TMEM131L: variants seen among roughly 807,000 people sequenced by gnomAD.
TMEM131L encodes transmembrane 131 like.
Under a neutral mutation model 192.2 loss-of-function variants are expected in TMEM131L, and 54 were observed. The ratio of observed to expected loss-of-function variants is 0.28; its 90% CI spans 0.23 to 0.35. The LOEUF is 0.35. Ranked by LOEUF, TMEM131L falls within the 10% of genes least tolerant of loss-of-function variation. The pLI is 1.00. For synonymous variants in TMEM131L, 701 were observed against 704.9 expected (o/e 0.99, Z 0.09); for missense variants, 1,888 against 1,972.9 (o/e 0.96, Z 0.82).
chr4:153,543,773 G>T (rs1403712046), intron 3 of TMEM131L, among the ~76,000 whole-genome samples: 1 of 152,232 alleles, frequency 6.6e-6, no homozygotes, highest in Non-Finnish European at 1.5e-5. Context: ...CTGTTTAGAA[G>T]AAAGGGACCA....
At chr4:153,599,728 C>T (rs991746221) in intron 21 of TMEM131L, among the ~76,000 whole-genome samples, 5 of 152,162 alleles carry the variant, frequency 3.3e-5, no homozygotes, top group Admixed American at 1.3e-4. Context: ...GTATCTGTGT[C>T]CTCCAAGACA....
chr4:153,474,072 G>GTTGT (rs140230443), intron 3 of TMEM131L, among the ~76,000 whole-genome samples, 184 bp downstream of exon 3: 2,947 of 152,178 alleles, frequency 0.019, 88 homozygotes, highest in African/African-American at 0.065. Context: ...TTAAAATAAG[G>GTTGT]TTGTTTAGAA....
At position 153,482,444 on chromosome 4, in the gene TMEM131L, G is replaced by C. The variant is rs1732014631; in HGVS notation, c.239+8556G>C. Among the ~76,000 whole-genome samples the C allele has an allele frequency of 2.0e-5, 3 of 151,798 alleles. 1 individual carries two copies. The highest frequency in any genetic ancestry group is 4.4e-5 in the Non-Finnish European group (3 of 67,952). On this transcript the variant is annotated intron_variant, in intron 3 of 34. Transcript: ENST00000409959. ...CAAGCCACAGAAACCTTTTTTTTAG[G>C]TGAAAAAATTGTGAAATTTTTAGCA... is the stretch of plus-strand genomic sequence containing the variant.
At chr4:153,532,984 C>CT (rs70963190) in intron 3 of TMEM131L, among the ~76,000 whole-genome samples, 11,796 of 129,640 alleles carry the variant, frequency 0.091, 685 homozygotes, top group African/African-American at 0.17. Context: ...TTTCTCAATT[C>CT]TTTTTTTTTT....
chr4:153,479,803 A>G (rs1189528119), intron 3 of TMEM131L, among the ~76,000 whole-genome samples: 1 of 152,266 alleles, frequency 6.6e-6, no homozygotes, highest in Non-Finnish European at 1.5e-5. Context: ...ACTGGAAGAT[A>G]CAATTGCAGA....
At position 153,572,991 on chromosome 4, in the gene TMEM131L, T is replaced by A. The variant is rs553745480; in HGVS notation, c.661-7835T>A. On this transcript the variant is annotated intron_variant, in intron 7 of 34. Transcript: ENST00000409959. ...CCTTTGTGTTTGGTTTATTTCATTT[T>A]GCATAATGTCTTCAAGGTTCTCCCA... 7.6e-4 allele frequency among the ~76,000 whole-genome samples: 116 copies of A among 152,388 alleles called. No individual in the cohort carries two copies. In the South Asian group the frequency reaches 8.3e-3, roughly 11 times the overall value.
At chr4:153,542,799 G>A (rs1184498674) in intron 3 of TMEM131L, among the ~76,000 whole-genome samples, 1 of 152,168 alleles carries the variant, frequency 6.6e-6, no homozygotes, top group Non-Finnish European at 1.5e-5. Context: ...AGCTGGGAGG[G>A]AGATGGAAAT....
At chr4:153,525,966 C>T (rs546793824) in intron 3 of TMEM131L, among the ~76,000 whole-genome samples, 29 of 152,158 alleles carry the variant, frequency 1.9e-4, no homozygotes, top group African/African-American at 6.7e-4. Context: ...AAGTGATTCT[C>T]CTGCCTCAGC....
At chr4:153,500,550 C>G (rs959330331) in intron 3 of TMEM131L, among the ~76,000 whole-genome samples, 2 of 152,172 alleles carry the variant, frequency 1.3e-5, no homozygotes, top group Non-Finnish European at 2.9e-5. Flanking sequence ...ATTAGCACTT[C>G]TAGTAGCAGT....
At chr4:153,501,943 GTTTTT>G (rs575832226) in intron 3 of TMEM131L, among the ~76,000 whole-genome samples, 1 of 117,398 alleles carries the variant, frequency 8.5e-6, no homozygotes. Flanking sequence ...CCCCCAAAGG[GTTTTT>G]TTTTTTTTTT....
At chr4:153,467,369 GCGGCACAGGCGTTCGGGC>G (rs1730838846) in intron 2 of TMEM131L, 88 bp downstream of exon 2, 1 of 1,140,708 alleles carries the variant, frequency 8.8e-7, no homozygotes. Flanking sequence ...CCCTGTCCAA[GCGGCACAGGCGTTCGGGC>G]CACTTTGCAA....
At chr4:153,564,079 A>G (rs1207536357) in intron 7 of TMEM131L, among the ~76,000 whole-genome samples, 2 of 151,934 alleles carry the variant, frequency 1.3e-5, no homozygotes, top group Non-Finnish European at 2.9e-5. Flanking sequence ...ACCTGAGGTC[A>G]GGAGTTCAAG....
In TMEM131L at chr4:153,543,929, C is replaced by G. The variant is rs114794062; in HGVS notation, c.240-6144C>G. On this transcript the variant is annotated intron_variant, in intron 3 of 34. Coordinates refer to ENST00000409959, the MANE Select transcript of TMEM131L (RefSeq NM_001131007.2). ...ATAACATGTCATTCCTTGAGCACTT[C>G]AGAGTCTTGATACAATAACATTATT... is the stretch of plus-strand genomic sequence containing the variant. Among the ~76,000 whole-genome samples, 1,192 of 151,714 alleles carry G rather than the reference C, an allele frequency of 7.9e-3. 9 individuals carry two copies. Among genetic ancestry groups the G allele is most frequent in the Non-Finnish European group, 0.01 (689 of 68,032 alleles).
chr4:153,492,455 A>AAAAT lies in TMEM131L; in HGVS notation c.239+18568_239+18569insAATA, dbSNP rs552318166. On this transcript the variant is annotated intron_variant, in intron 3 of 34. Coordinates refer to ENST00000409959, the MANE Select transcript of TMEM131L (RefSeq NM_001131007.2). The stretch of plus-strand genomic sequence containing the variant: ...TTTTCAAATATTCTGAATCCTTATT[A>AAAAT]ATATGCACAAAACTTTGTTTAAATC... Among the ~76,000 whole-genome samples the AAAAT allele has an allele frequency of 4.1e-4, 63 of 152,384 alleles. 1 individual carries two copies. The highest frequency in any genetic ancestry group is 1.4e-3 in the African/African-American group (60 of 41,600).
intron 3 of TMEM131L, among the ~76,000 whole-genome samples, chr4:153,535,111 A>G (rs1444302203): frequency 6.6e-6 from 1 of 152,216 alleles, no homozygotes; most frequent in Non-Finnish European, 1.5e-5. Flanking sequence ...ATGGAGAGAC[A>G]TGATGGGTGC....
intron 3 of TMEM131L, among the ~76,000 whole-genome samples, chr4:153,476,830 G>T (rs961997869): frequency 3.3e-5 from 5 of 152,130 alleles, no homozygotes; most frequent in African/African-American, 1.2e-4. Flanking sequence ...AATGGATAAT[G>T]GTAGATATCA....
At chr4:153,623,157 G>A in intron 29 of TMEM131L, 74 bp downstream of exon 29, 5 of 1,349,270 alleles carry the variant, frequency 3.7e-6, no homozygotes, top group Non-Finnish European at 5.0e-6. Flanking sequence ...AGTCCACACA[G>A]TCTCGATCTG....
At chr4:153,498,071 C>T (rs956108117) in intron 3 of TMEM131L, among the ~76,000 whole-genome samples, 2 of 152,152 alleles carry the variant, frequency 1.3e-5, no homozygotes, top group African/African-American at 4.8e-5. Flanking sequence ...TAAGGCACAG[C>T]TCCTGTTCAG....
chr4:153,610,527 A>T (rs1185671947), intron 25 of TMEM131L, among the ~76,000 whole-genome samples: 1 of 152,206 alleles, frequency 6.6e-6, no homozygotes, highest in Admixed American at 6.5e-5. Context: ...TCCTGGTTGT[A>T]CTTAAACCGT....
Sources: gnomAD v4.1 joint callset for allele counts (sites outside exome capture counted in the v4.1 genomes callset) on GRCh38, gnomAD v4.1.1 for gene constraint, MANE v1.5 for transcripts, NCBI Gene and HGNC (gene_info 2026-07-23, HGNC 2026-07-21) for gene names.